The following ESR1 variants were observed in gnomAD, a reference collection of about 807,000 sequenced individuals.
The protein encoded by ESR1 is estrogen receptor.
Under a neutral mutation model 52.7 loss-of-function variants are expected in ESR1, and 12 were observed. That is an observed-to-expected ratio of 0.23 (90% CI 0.15 to 0.37). ESR1 has a LOEUF of 0.37. Among genes scored for constraint, ESR1 ranks in the 10% least tolerant of loss-of-function variants. The pLI is 1.00. For synonymous variants in ESR1, 305 were observed against 316.8 expected, an observed-to-expected ratio of 0.96 and a Z score of 0.39; for missense variants, 584 against 779.7, an observed-to-expected ratio of 0.75 and a Z score of 2.99.
At chr6:151,744,733 T>A (rs1451342113) in intron 2 of ESR1, among the ~76,000 whole-genome samples, 2 of 152,232 alleles carry the variant, frequency 1.3e-5, no homozygotes, top group Non-Finnish European at 2.9e-5. Flanking sequence ...ACAGTTTGTA[T>A]ATCTTTTCCT....
At chr6:151,743,064 C>T (rs1999807) in intron 2 of ESR1, among the ~76,000 whole-genome samples, 1 of 151,976 alleles carries the variant, frequency 6.6e-6, no homozygotes, top group Non-Finnish European at 1.5e-5. Flanking sequence ...ATCTGGACGT[C>T]GGTCCAAAAC....
chr6:151,685,828 T>G (rs1344775169), upstream of ESR1, among the ~76,000 whole-genome samples: 2 of 152,186 alleles, frequency 1.3e-5, no homozygotes, highest in Admixed American at 1.3e-4. Context: ...TATATATATG[T>G]GTGTATATAA....
intron 6 of ESR1, chr6:152,125,147 G>T: frequency 6.8e-6 from 8 of 1,183,940 alleles, no homozygotes; most frequent in Non-Finnish European, 9.3e-6. Context: ...AAAGGAAGAG[G>T]CCTAGCAGGG....
intron 3 of ESR1, among the ~76,000 whole-genome samples, chr6:151,913,982 G>C (rs1252181871): frequency 6.6e-6 from 1 of 151,882 alleles, no homozygotes; most frequent in Non-Finnish European, 1.5e-5. Context: ...TCCCTCTACA[G>C]TATGTGGTCT....
At chr6:152,060,546 A>G (rs2047465316) in intron 5 of ESR1, among the ~76,000 whole-genome samples, 1 of 152,236 alleles carries the variant, frequency 6.6e-6, no homozygotes, top group African/African-American at 2.4e-5. Context: ...AAACACAACC[A>G]TCAGGACTTG....
rs1197368372 is a variant in ESR1, at chr6:152,011,928, T to C, written c.1235+134T>C. On this transcript the variant is annotated intron_variant, in intron 5 of 7. Coordinates refer to ENST00000206249, the MANE Select transcript of ESR1 (RefSeq NM_000125.4). ...TATGTTTACTTAACAAAAGAGTGCA[T>C]TGGGGGTGATGAAGCCTAGTCAAAT... 1.5e-5 allele frequency: 14 copies of C among 917,986 alleles called. No individual in the cohort carries two copies. The Admixed American group carries it at 2.8e-4, about 19-fold the overall frequency. 56.9% of individuals were successfully genotyped at this position (917,986 alleles called of 1,614,324 possible).
intron 1 of ESR1, among the ~76,000 whole-genome samples, chr6:151,835,052 G>C (rs774699501): frequency 7.9e-5 from 12 of 152,084 alleles, no homozygotes; most frequent in African/African-American, 1.2e-4. Flanking sequence ...AGCCAGCAAA[G>C]CTCCCTGGAG....
intron 6 of ESR1, among the ~76,000 whole-genome samples, chr6:152,112,113 T>C (rs1299884333): frequency 1.3e-5 from 2 of 152,222 alleles, no homozygotes; most frequent in Non-Finnish European, 2.9e-5. Context: ...TGGTACCCAC[T>C]GGTTTTAGCC....
intron 5 of ESR1, among the ~76,000 whole-genome samples, chr6:152,020,623 G>A (rs944128718): frequency 6.6e-6 from 1 of 151,840 alleles, no homozygotes; most frequent in African/African-American, 2.4e-5. Flanking sequence ...GCTAATTTTT[G>A]CATTTTTAGT....
chr6:151,670,175 G>A lies in ESR1; in HGVS notation n.73+13412G>A, dbSNP rs187791193. Among the ~76,000 whole-genome samples the A allele has an allele frequency of 3.2e-3, 492 of 152,246 alleles. 1 individual carries two copies. Among genetic ancestry groups the A allele is most frequent in the Non-Finnish European group, 3.9e-3 (268 of 68,016 alleles). ...CAGAGCTGCCAAGATGGTCGTGGCC[G>A]GGCCTTCCTCTAGCTAGCCTATCTT... On this transcript the variant is annotated intron_variant and non_coding_transcript_variant, in intron 1 of 2. Coordinates refer to the ESR1 transcript ENST00000473497.
chr6:151,723,295 T>C (rs1159976165), intron 2 of ESR1, among the ~76,000 whole-genome samples: 3 of 152,150 alleles, frequency 2.0e-5, no homozygotes, highest in Admixed American at 2.0e-4. Flanking sequence ...ATTCTGGTGA[T>C]TGATTTCTCT....
chr6:151,920,113 G>A (rs1166747482), intron 3 of ESR1, among the ~76,000 whole-genome samples: 1 of 151,976 alleles, frequency 6.6e-6, no homozygotes, highest in Non-Finnish European at 1.5e-5. Context: ...CAACTTCATG[G>A]TCTTCAGTAC....
chr6:151,899,326 C>A (rs533223403), intron 3 of ESR1, among the ~76,000 whole-genome samples: 1 of 123,080 alleles, frequency 8.1e-6, no homozygotes, highest in Non-Finnish European at 1.7e-5. Flanking sequence ...CCCTCCCGGA[C>A]GGGGCGGCTG....
At position 151,842,860 on chromosome 6, in the gene ESR1, A is replaced by G. The variant is rs2128235222; in HGVS notation, c.643+73A>G. On this transcript the variant is annotated intron_variant, in intron 2 of 7. Transcript: ENST00000206249. ...TCCTAAGAGCCAAAGCGACTGAGGAAGGAAGACATAGAATCAGCCATTTGT... is the reference window on the plus strand; with the variant it reads ...TCCTAAGAGCCAAAGCGACTGAGGAGGGAAGACATAGAATCAGCCATTTGT... 2 of 1,306,342 alleles carry G rather than the reference A, an allele frequency of 1.5e-6. 1 individual carries two copies. Among genetic ancestry groups the G allele is most frequent in the South Asian group, 2.4e-5 (2 of 83,220 alleles). The allele number at this position is 1,306,342 out of a possible 1,614,324, so 80.9% of individuals were successfully genotyped here. A position where few individuals can be genotyped will look rare whatever the true frequency, so the allele number is the denominator to read the frequency against.
At chr6:151,716,872 AG>A (rs1178558620) in intron 2 of ESR1, among the ~76,000 whole-genome samples, 1 of 152,152 alleles carries the variant, frequency 6.6e-6, no homozygotes, top group East Asian at 1.9e-4. Context: ...AGGAGCCACT[AG>A]GGTATGAAAA....
At position 151,816,737 on chromosome 6, in the gene ESR1, C is replaced by T. The variant is rs117810214; in HGVS notation, c.452+8373C>T. ...ACTGTGCTACAAAAACAAAACAAAA[C>T]AACTGTAAAAAAAACTTCAAATTTG... On this transcript the variant is annotated intron_variant, in intron 1 of 7. Coordinates refer to ENST00000206249, the MANE Select transcript of ESR1 (RefSeq NM_000125.4). 5.7e-3 allele frequency among the ~76,000 whole-genome samples: 869 copies of T among 152,152 alleles called. 2 individuals carry two copies. Among genetic ancestry groups the T allele is most frequent in the Non-Finnish European group, 0.01 (683 of 67,994 alleles).
chr6:151,718,727 T>A (rs894774409), intron 2 of ESR1, among the ~76,000 whole-genome samples: 35 of 152,198 alleles, frequency 2.3e-4, no homozygotes, highest in African/African-American at 7.5e-4. Flanking sequence ...TTTTAGTTAG[T>A]TTCAATTTCA....
intron 5 of ESR1, among the ~76,000 whole-genome samples, chr6:152,017,621 C>A (rs1355996433): frequency 6.6e-6 from 1 of 151,900 alleles, no homozygotes; most frequent in Non-Finnish European, 1.5e-5. Context: ...CAAAATATGT[C>A]CTCTGTGTCT....
intron 5 of ESR1, among the ~76,000 whole-genome samples, chr6:152,052,435 G>C (rs1212071643): frequency 6.6e-6 from 1 of 152,090 alleles, no homozygotes; most frequent in African/African-American, 2.4e-5. Flanking sequence ...GCCTGCTACT[G>C]CTTTTGTAAA....
Sources: allele counts gnomAD v4.1 joint callset (sites outside exome capture counted in the v4.1 genomes callset), GRCh38; gene constraint gnomAD v4.1.1; transcripts MANE v1.5; gene names NCBI Gene and HGNC (gene_info 2026-07-23, HGNC 2026-07-21).